Variants in CKAP5 observed in about 807,000 individuals in gnomAD.
CKAP5 encodes the protein cytoskeleton associated protein 5.
CKAP5 carries 27 observed loss-of-function variants against 232.8 expected under a neutral mutation model. The ratio of observed to expected loss-of-function variants is 0.12; its 90% CI spans 0.09 to 0.16. The LOEUF is 0.16. CKAP5 is among the 10% of genes least tolerant of loss of function. The pLI is 1.00. For missense variants in CKAP5, 1,838 were observed against 2,424.7 expected (o/e 0.76, Z 5.08); for synonymous variants, 785 against 841.1 (o/e 0.93, Z 1.16).
At chr11:46,781,474 G>A (rs1005168279) in intron 18 of CKAP5, among the ~76,000 whole-genome samples, 16 of 152,114 alleles carry the variant, frequency 1.1e-4, no homozygotes, top group African/African-American at 3.9e-4. Flanking sequence ...AAATGTTGAG[G>A]CCCCACATGA....
chr11:46,793,611 C>G (rs139789516), intron 13 of CKAP5, among the ~76,000 whole-genome samples: 261 of 152,324 alleles, frequency 1.7e-3, no homozygotes, highest in Admixed American at 3.0e-3. Flanking sequence ...TTTAATGATA[C>G]TTTCTGATCC....
chr11:46,779,417 G>A (rs2065319683), intron 20 of CKAP5, among the ~76,000 whole-genome samples: 1 of 151,944 alleles, frequency 6.6e-6, no homozygotes, highest in Non-Finnish European at 1.5e-5. Flanking sequence ...ACAGGCGTGA[G>A]CCACCAAGCC....
chr11:46,789,722 G>C (rs1938663173), intron 15 of CKAP5, among the ~76,000 whole-genome samples: 1 of 151,564 alleles, frequency 6.6e-6, no homozygotes, highest in Non-Finnish European at 1.5e-5. Context: ...CGTGAACCCA[G>C]CAGGTGGAGC....
chr11:46,816,176 C>G, intron 4 of CKAP5, 22 bp downstream of exon 4: 1 of 1,598,484 alleles, frequency 6.3e-7, no homozygotes, highest in Non-Finnish European at 8.6e-7. Context: ...CTCTAGTTAA[C>G]AAAGCTAAAA....
In CKAP5 at chr11:46,795,756, C is replaced by G; in HGVS notation, c.1488G>C (p.Lys496Asn). ...KLDKIKECSE[K>N]VELIHGKKAG... ...CTTTCTTACCATGTATCAGTTCTAC[C>G]TTTTCTGAACATTCTTTGATCTGGA... is the stretch of plus-strand genomic sequence containing the variant. Residue 496 changes from lysine (K) to asparagine (N), a missense_variant, in exon 13 of 44, where the codon AAG (lysine) becomes AAC (asparagine). Transcript: ENST00000529230. 1 of 1,613,306 alleles carries G rather than the reference C, an allele frequency of 6.2e-7. No individual in the cohort carries two copies. Among genetic ancestry groups the G allele is most frequent in the Non-Finnish European group, 8.5e-7 (1 of 1,179,768 alleles).
chr11:46,796,630 A>C (rs759747469), intron 12 of CKAP5, among the ~76,000 whole-genome samples, 182 bp downstream of exon 12: 8 of 152,280 alleles, frequency 5.3e-5, no homozygotes, highest in South Asian at 4.1e-4. Context: ...AAAAAGTACC[A>C]GAGAGCATCC....
At chr11:46,821,080 G>T in intron 2 of CKAP5, 95 bp downstream of exon 2, 1 of 770,570 alleles carries the variant, frequency 1.3e-6, no homozygotes, top group Non-Finnish European at 2.1e-6. Flanking sequence ...TTTTGAAACT[G>T]CCAATGTTTT....
intron 35 of CKAP5, among the ~76,000 whole-genome samples, chr11:46,756,660 C>T (rs906806939): frequency 2.0e-5 from 3 of 152,178 alleles, no homozygotes; most frequent in African/African-American, 4.8e-5. Flanking sequence ...AAAGACCAGT[C>T]GAGAATCATG....
chr11:46,778,650 A>G lies in CKAP5; in HGVS notation c.2434-51T>C, dbSNP rs776615851. On this transcript the variant is annotated intron_variant, in intron 20 of 43. Transcript: ENST00000529230. ...TAATGAAATTTATATAGGATATGGG[A>G]ACAAACAAATTAGAGAGGGTGCCTG... 7 of 1,507,028 alleles carry G rather than the reference A, an allele frequency of 4.6e-6. No individual in the cohort carries two copies. The Admixed American group carries it at 7.0e-5, about 15-fold the overall frequency. The allele number at this position is 1,507,028 out of a possible 1,614,324, so 93.4% of individuals were successfully genotyped here.
At chr11:46,761,148 C>T (rs533068697) in intron 32 of CKAP5, among the ~76,000 whole-genome samples, 52 of 150,906 alleles carry the variant, frequency 3.4e-4, no homozygotes, top group African/African-American at 1.2e-3. Flanking sequence ...ACTCAGGAGG[C>T]TGAAGTCAGA....
chr11:46,796,164 C>CAA (rs60980136), intron 12 of CKAP5, among the ~76,000 whole-genome samples: 117 of 113,290 alleles, frequency 1.0e-3, no homozygotes, highest in Non-Finnish European at 1.4e-3. Context: ...GATTCATTGC[C>CAA]AAAAAAAAAA....
chr11:46,778,708 T>C, intron 20 of CKAP5, 109 bp from the exon 21 acceptor site: 1 of 832,308 alleles, frequency 1.2e-6, no homozygotes, highest in South Asian at 1.6e-5. Flanking sequence ...AATACCTATT[T>C]ACACAGTAGG....
chr11:46,766,239 T>C (rs1200239874), intron 27 of CKAP5, among the ~76,000 whole-genome samples: 1 of 152,152 alleles, frequency 6.6e-6, no homozygotes, highest in Non-Finnish European at 1.5e-5. Context: ...CAAACAAATA[T>C]GAGATCATTT....
intron 13 of CKAP5, among the ~76,000 whole-genome samples, chr11:46,795,108 C>T (rs1938838225): frequency 1.3e-5 from 2 of 152,108 alleles, no homozygotes; most frequent in African/African-American, 4.8e-5. Context: ...GCGGGTGGAT[C>T]ACCTGAGGTC....
intron 1 of CKAP5, among the ~76,000 whole-genome samples, chr11:46,823,820 T>C (rs920014256): frequency 2.0e-5 from 3 of 152,318 alleles, no homozygotes; most frequent in South Asian, 4.1e-4. Context: ...GGGGTCTTAC[T>C]ATGTTGCCCA....
Position 46,788,791 on chromosome 11 carries a change from G to A in CKAP5, c.1876-18C>T. ...TCAACAGCCTTGAAGTAAAATAAGA[G>A]AATAAGAGTTTAAGGGTTAAAGGTT... is the stretch of plus-strand genomic sequence containing the variant. On this transcript the variant is annotated intron_variant, in intron 15 of 43. Transcript: ENST00000529230. 1.5e-5 allele frequency: 23 copies of A among 1,558,958 alleles called. No homozygotes were observed. Among genetic ancestry groups the A allele is most frequent in the Non-Finnish European group, 1.8e-5 (21 of 1,138,336 alleles).
At chr11:46,769,438 G>GT (rs1374411534) in intron 26 of CKAP5, among the ~76,000 whole-genome samples, 4 of 152,156 alleles carry the variant, frequency 2.6e-5, no homozygotes, top group Admixed American at 1.3e-4. Flanking sequence ...GTTCAAGCCT[G>GT]TAAGTCCAGC....
At position 46,841,953 on chromosome 11, in the gene CKAP5, G is replaced by C. The variant is rs557361302; in HGVS notation, c.-38+4267C>G. Among the ~76,000 whole-genome samples, 17 of 144,306 alleles carry C rather than the reference G, an allele frequency of 1.2e-4. No individual in the cohort carries two copies. In the Middle Eastern group the frequency reaches 0.011, roughly 96 times the overall value. 94.7% of individuals were successfully genotyped at this position (144,306 alleles called of 152,430 possible). A position where few individuals can be genotyped will look rare whatever the true frequency, so the allele number is the denominator to read the frequency against. ...GCAGAGGTTGCAGTGAGCCGAGATCGTGCCATTGCACTCCAGCCCTGGAGA... is the reference window on the plus strand; with the variant it reads ...GCAGAGGTTGCAGTGAGCCGAGATCCTGCCATTGCACTCCAGCCCTGGAGA... On this transcript the variant is annotated intron_variant, in intron 1 of 43. Transcript: ENST00000529230.
chr11:46,843,945 G>T (rs527794321), intron 1 of CKAP5, among the ~76,000 whole-genome samples: 1 of 152,254 alleles, frequency 6.6e-6, no homozygotes, highest in Admixed American at 6.5e-5. Context: ...GGTTAGCCAG[G>T]TGTGGTGGCT....
Sources: gnomAD v4.1 joint callset for allele counts (sites outside exome capture counted in the v4.1 genomes callset) on GRCh38, gnomAD v4.1.1 for gene constraint, MANE v1.5 for transcripts, NCBI Gene and HGNC (gene_info 2026-07-23, HGNC 2026-07-21) for gene names.